The following RIN2 variants were observed in gnomAD, a reference collection of about 807,000 sequenced individuals.
RIN2 encodes the protein Ras and Rab interactor 2.
Under a neutral mutation model 78.0 loss-of-function variants are expected in RIN2, and 36 were observed. The ratio of observed to expected loss-of-function variants is 0.46; its 90% confidence interval spans 0.35 to 0.61. The LOEUF is 0.61. RIN2 is among the 20% of genes least tolerant of loss of function. The probability of loss-of-function intolerance (pLI) is 0.00; values close to 1 mark genes in which losing one functional copy is unlikely to be tolerated. For missense variants in RIN2, 1,087 were observed against 1,159.7 expected, an observed-to-expected ratio of 0.94 and a Z score of 0.91; for synonymous variants, 466 against 466.8, an observed-to-expected ratio of 1.00 and a Z score of 0.02.
At chr20:19,853,655 G>T (rs1600625964) in intron 2 of RIN2, among the ~76,000 whole-genome samples, 1 of 152,138 alleles carries the variant, frequency 6.6e-6, no homozygotes, top group African/African-American at 2.4e-5. Flanking sequence ...ATTTTTTCAT[G>T]TGTCTGTTGG....
At chr20:19,778,019 A>G (rs1369775298) in intron 1 of RIN2, among the ~76,000 whole-genome samples, 1 of 152,236 alleles carries the variant, frequency 6.6e-6, no homozygotes, top group East Asian at 1.9e-4. Context: ...TCAAAGGAGG[A>G]AAAAAGCATG....
intron 2 of RIN2, among the ~76,000 whole-genome samples, chr20:19,868,915 T>C (rs913108536): frequency 2.6e-5 from 4 of 151,944 alleles, no homozygotes; most frequent in African/African-American, 9.7e-5. Context: ...ACCTTGTCTC[T>C]ACTAAAAATA....
chr20:19,826,979 T>TG (rs1201187764), intron 2 of RIN2, among the ~76,000 whole-genome samples: 2 of 149,028 alleles, frequency 1.3e-5, no homozygotes, highest in Admixed American at 6.6e-5. Context: ...TTTTGGGTTT[T>TG]TTTTTTTTTT....
At chr20:19,964,390 T>A (rs778936652) in intron 6 of RIN2, among the ~76,000 whole-genome samples, 1 of 152,176 alleles carries the variant, frequency 6.6e-6, no homozygotes, top group Non-Finnish European at 1.5e-5. Flanking sequence ...ATTACATGCA[T>A]GAGGCACCAT....
At chr20:19,783,851 G>T (rs182059303) in intron 1 of RIN2, among the ~76,000 whole-genome samples, 2 of 152,286 alleles carry the variant, frequency 1.3e-5, no homozygotes, top group East Asian at 3.9e-4. Context: ...TCTGGGAACT[G>T]ATTCCCAGCA....
chr20:19,837,169 A>AACAC (rs142399537), intron 2 of RIN2, among the ~76,000 whole-genome samples: 10,386 of 140,070 alleles, frequency 0.074, 498 homozygotes, highest in African/African-American at 0.14. Context: ...CGCCCCCCCC[A>AACAC]ACACACACAC....
Position 20,000,645 on chromosome 20 carries a change from C to A in RIN2, c.2397C>A (p.Asn799Lys). 1 of 1,606,000 alleles carries A rather than the reference C, an allele frequency of 6.2e-7. No homozygotes were observed. The highest frequency in any genetic ancestry group is 8.5e-7 in the Non-Finnish European group (1 of 1,173,512). ...TCCGAGTTGCATTTCAGGAGGTCAA[C>A]AGTGGTTGCACAGGAAAGACCCTCC... Reference protein sequence around the residue: ...NYLRVAFQEVNSGCTGKTLLV... With the variant: ...NYLRVAFQEVKSGCTGKTLLV... Residue 799 changes from asparagine to lysine, a missense_variant, in exon 13 of 13, where the codon AAC becomes AAA. Coordinates refer to ENST00000255006, the MANE Select transcript of RIN2 (RefSeq NM_018993.4).
intron 2 of RIN2, among the ~76,000 whole-genome samples, chr20:19,859,185 G>A (rs2037256703): frequency 6.6e-6 from 1 of 152,204 alleles, no homozygotes; most frequent in Admixed American, 6.5e-5. Flanking sequence ...GAACAAGATG[G>A]GGAGGAGCCA....
chr20:19,882,934 G>T (rs1276790305), intron 2 of RIN2, among the ~76,000 whole-genome samples: 2 of 152,160 alleles, frequency 1.3e-5, no homozygotes, highest in Non-Finnish European at 1.5e-5. Context: ...GGGTTAATTG[G>T]CTGCTTATGT....
chr20:19,837,161 C>A (rs1454144326), intron 2 of RIN2, among the ~76,000 whole-genome samples: 1 of 131,548 alleles, frequency 7.6e-6, no homozygotes, highest in Non-Finnish European at 1.6e-5. Flanking sequence ...TCACACACCG[C>A]CCCCCCCAAC....
chr20:19,763,071 G>A (rs1437513399), intron 1 of RIN2, among the ~76,000 whole-genome samples: 2 of 152,122 alleles, frequency 1.3e-5, no homozygotes, highest in African/African-American at 4.8e-5. Flanking sequence ...AGGCCTAAAT[G>A]TGATTTTTAA....
At chr20:19,997,016 C>T (rs1258264850) in intron 12 of RIN2, among the ~76,000 whole-genome samples, 174 bp downstream of exon 12, 1 of 152,118 alleles carries the variant, frequency 6.6e-6, no homozygotes, top group Non-Finnish European at 1.5e-5. Context: ...CATTTATATA[C>T]GCATGGGATA....
chr20:19,861,604 T>C (rs147721129), intron 2 of RIN2, among the ~76,000 whole-genome samples: 2,709 of 150,882 alleles, frequency 0.018, 71 homozygotes, highest in African/African-American at 0.064. Context: ...GTGATCACCC[T>C]CCATATCTGA....
intron 8 of RIN2, among the ~76,000 whole-genome samples, 199 bp downstream of exon 8, chr20:19,971,128 G>T (rs1027187980): frequency 6.6e-6 from 1 of 152,112 alleles, no homozygotes; most frequent in African/African-American, 2.4e-5. Flanking sequence ...CATCTTCCTG[G>T]GGAGAGGCAG....
At chr20:19,879,686 T>G (rs972221705) in intron 2 of RIN2, among the ~76,000 whole-genome samples, 2 of 152,236 alleles carry the variant, frequency 1.3e-5, no homozygotes, top group African/African-American at 4.8e-5. Flanking sequence ...TTCCGTGGAC[T>G]TTTTTCATTG....
chr20:19,990,245 G>GA lies in RIN2; in HGVS notation c.2006dup (p.Lys670GlufsTer27). 1 of 1,613,502 alleles carries GA rather than the reference G, an allele frequency of 6.2e-7. No individual in the cohort carries two copies. The highest frequency in any genetic ancestry group is 8.5e-7 in the Non-Finnish European group (1 of 1,179,718). On this transcript the variant is annotated frameshift_variant, in exon 10 of 13. Transcript: ENST00000255006. LOFTEE classifies it high-confidence loss of function. The stretch of plus-strand genomic sequence containing the variant: ...GACCATGCAGAAGATGTATTCGCCG[G>GA]AAAAGAAGGTCATGCTGCTGCTGCG...
chr20:19,994,389 G>A (rs192775534), intron 11 of RIN2, among the ~76,000 whole-genome samples: 9 of 152,318 alleles, frequency 5.9e-5, no homozygotes, highest in Admixed American at 2.6e-4. Flanking sequence ...TAGCAGCCAC[G>A]TCTGTTTTCC....
intron 3 of RIN2, among the ~76,000 whole-genome samples, chr20:19,932,233 C>T (rs1271793509): frequency 6.6e-6 from 1 of 152,172 alleles, no homozygotes; most frequent in African/African-American, 2.4e-5. Context: ...ATGAGCTTGG[C>T]CGATTTCCTC....
At chr20:19,957,179 TG>T (rs2146239755) in intron 5 of RIN2, among the ~76,000 whole-genome samples, 1 of 152,316 alleles carries the variant, frequency 6.6e-6, no homozygotes, top group South Asian at 2.1e-4. Context: ...CTTCTGAGCC[TG>T]GGAGCCCTGC....
Sources: gnomAD v4.1 joint callset for allele counts (sites outside exome capture counted in the v4.1 genomes callset) on GRCh38, gnomAD v4.1.1 for gene constraint, MANE v1.5 for transcripts, NCBI Gene and HGNC (gene_info 2026-07-23, HGNC 2026-07-21) for gene names.